The following TENM3 variants were observed in gnomAD, a reference collection of about 807,000 sequenced individuals.
TENM3 encodes teneurin transmembrane protein 3.
Under a neutral mutation model 255.1 loss-of-function variants are expected in TENM3, and 63 were observed. The ratio of observed to expected loss-of-function variants is 0.25; its 90% confidence interval spans 0.20 to 0.30. TENM3 has a LOEUF of 0.30. Ranked by LOEUF, TENM3 falls within the 10% of genes least tolerant of loss-of-function variation. The pLI is 1.00. For synonymous variants in TENM3, 1,306 were observed against 1,322.3 expected (o/e 0.99, Z 0.27); for missense variants, 2,929 against 3,461.1 (o/e 0.85, Z 3.86).
At chr4:182,537,229 C>G (rs1485082246) in intron 3 of TENM3, among the ~76,000 whole-genome samples, 1 of 152,150 alleles carries the variant, frequency 6.6e-6, no homozygotes, top group Non-Finnish European at 1.5e-5. Context: ...TTACATAAAT[C>G]AGTGTCATTG....
At chr4:181,788,406 A>G in the TENM3 span, among the ~76,000 whole-genome samples, 3 of 152,188 alleles carry the variant, frequency 2.0e-5, no homozygotes, top group African/African-American at 7.2e-5. Flanking sequence ...AGCACTTTAC[A>G]TCTGCTCCTT....
the TENM3 span, among the ~76,000 whole-genome samples, chr4:181,531,245 C>T: frequency 6.6e-6 from 1 of 152,104 alleles, no homozygotes; most frequent in South Asian, 2.1e-4. Context: ...GGAAAACAGA[C>T]AGAAACTCAC....
chr4:182,668,295 A>C (rs1210680101), intron 6 of TENM3, among the ~76,000 whole-genome samples: 1 of 152,134 alleles, frequency 6.6e-6, no homozygotes, highest in African/African-American at 2.4e-5. Context: ...GGTATGTGAG[A>C]GGTACGCCTT....
At chr4:182,600,350 G>A (rs1747705812) in intron 3 of TENM3, among the ~76,000 whole-genome samples, 1 of 152,150 alleles carries the variant, frequency 6.6e-6, no homozygotes, top group African/African-American at 2.4e-5. Context: ...TTCTGCTAAA[G>A]AATACTTAGC....
intron 3 of TENM3, among the ~76,000 whole-genome samples, chr4:182,551,219 TAAAAAA>T (rs34487025): frequency 3.5e-4 from 39 of 112,232 alleles, no homozygotes; most frequent in Admixed American, 1.4e-3. Context: ...AGACTCCATC[TAAAAAA>T]AAAAAAAAAA....
At chr4:182,388,974 A>G (rs1466039724) in intron 3 of TENM3, among the ~76,000 whole-genome samples, 1 of 152,194 alleles carries the variant, frequency 6.6e-6, no homozygotes, top group Non-Finnish European at 1.5e-5. Context: ...AGTCAGTGTT[A>G]TTAAATCTAG....
At chr4:182,151,704 C>T (rs1750370329) in intron 1 of TENM3, among the ~76,000 whole-genome samples, 1 of 151,824 alleles carries the variant, frequency 6.6e-6, no homozygotes, top group Non-Finnish European at 1.5e-5. Flanking sequence ...GAAACAAAAG[C>T]ATCTTGGGCA....
At chr4:181,566,745 A>G in the TENM3 span, among the ~76,000 whole-genome samples, 1 of 152,150 alleles carries the variant, frequency 6.6e-6, no homozygotes, top group Non-Finnish European at 1.5e-5. Flanking sequence ...CACTACATCC[A>G]CCACAATGTC....
the TENM3 span, among the ~76,000 whole-genome samples, chr4:181,458,306 G>A: frequency 2.0e-5 from 3 of 151,830 alleles, no homozygotes; most frequent in Non-Finnish European, 4.4e-5. Context: ...TTTGAGTGAG[G>A]TTTTTTGCTT....
intron 1 of TENM3, among the ~76,000 whole-genome samples, chr4:182,295,261 C>A (rs66487126): frequency 1.4e-5 from 1 of 70,438 alleles, no homozygotes. Context: ...CTTTGCTTTT[C>A]TTTTTTTTTT....
At chr4:181,511,353 G>A in the TENM3 span, among the ~76,000 whole-genome samples, 1 of 152,196 alleles carries the variant, frequency 6.6e-6, no homozygotes. Context: ...GATGACATGG[G>A]AAACTTGCCC....
chr4:182,260,356 A>G (rs1184768971), intron 1 of TENM3, among the ~76,000 whole-genome samples: 2 of 152,212 alleles, frequency 1.3e-5, no homozygotes, highest in Admixed American at 1.3e-4. Flanking sequence ...ATTCCCACCA[A>G]CAGTGTATGA....
chr4:181,897,229 C>G, the TENM3 span, among the ~76,000 whole-genome samples: 1 of 152,254 alleles, frequency 6.6e-6, no homozygotes, highest in Non-Finnish European at 1.5e-5. Flanking sequence ...GCATTTCAAA[C>G]AAATTATTTT....
the TENM3 span, among the ~76,000 whole-genome samples, chr4:181,915,030 C>T: frequency 4.1e-3 from 629 of 152,168 alleles, 2 homozygotes; most frequent in African/African-American, 0.014. Flanking sequence ...AGCCCTGGGC[C>T]GTTTTTTCCC....
At chr4:181,598,990 G>A in the TENM3 span, among the ~76,000 whole-genome samples, 1 of 152,108 alleles carries the variant, frequency 6.6e-6, no homozygotes, top group Non-Finnish European at 1.5e-5. Flanking sequence ...AGTGCTTAAT[G>A]TTAACCAATG....
intron 13 of TENM3, among the ~76,000 whole-genome samples, chr4:182,725,930 G>A (rs956453101): frequency 3.3e-5 from 5 of 152,062 alleles, no homozygotes; most frequent in Admixed American, 6.5e-5. Flanking sequence ...GAGCTACCGC[G>A]CCCGGCTTAA....
the TENM3 span, among the ~76,000 whole-genome samples, chr4:182,061,327 T>C: frequency 1.3e-5 from 2 of 152,168 alleles, no homozygotes; most frequent in Non-Finnish European, 2.9e-5. Flanking sequence ...TCACTCCATC[T>C]AGCTGCTTGC....
chr4:182,706,959 C>CG (rs1554019193), intron 12 of TENM3, among the ~76,000 whole-genome samples: 3 of 126,142 alleles, frequency 2.4e-5, no homozygotes, highest in African/African-American at 9.0e-5. Context: ...ACCCTGTATC[C>CG]AAAAAAAAAA....
chr4:182,216,250 TCTC>T (rs1379729304), intron 1 of TENM3, among the ~76,000 whole-genome samples: 1 of 152,170 alleles, frequency 6.6e-6, no homozygotes, highest in Non-Finnish European at 1.5e-5. Flanking sequence ...TGACGTCACA[TCTC>T]CTGGTGGTTT....
Sources: allele counts gnomAD v4.1 joint callset (sites outside exome capture counted in the v4.1 genomes callset), GRCh38; gene constraint gnomAD v4.1.1; transcripts MANE v1.5; gene names NCBI Gene and HGNC (gene_info 2026-07-23, HGNC 2026-07-21).